Variants in TMC2 observed in about 807,000 individuals in gnomAD.
The protein encoded by TMC2 is transmembrane channel-like protein 2.
In TMC2, 102 loss-of-function variants were observed where a neutral mutation model predicts 105.9. That is an observed-to-expected ratio of 0.96 (90% CI 0.82 to 1.14). The LOEUF (loss-of-function observed/expected upper bound fraction) is 1.14. Among genes scored for constraint, TMC2 ranks in the 50% most tolerant of loss-of-function variants. The pLI, the probability that TMC2 is intolerant of heterozygous loss-of-function variation, is 0.00. For missense variants in TMC2, 1,093 were observed against 1,134.3 expected (o/e 0.96, Z 0.52); for synonymous variants, 402 against 422.8 (o/e 0.95, Z 0.60).
intron 11 of TMC2, among the ~76,000 whole-genome samples, chr20:2,602,615 T>A (rs1459496339): frequency 6.6e-6 from 1 of 152,262 alleles, no homozygotes; most frequent in African/African-American, 2.4e-5. Flanking sequence ...CAAGTGTCTA[T>A]TAATGCATGG....
rs188413064 is a variant in TMC2, at chr20:2,550,117, A to G, written c.83-8339A>G. ...AGAATCACTTGAACCCTGGAAGCGGAGGATGCAGTGAGCCGAGATCACACC... is the reference window on the plus strand; with the variant it reads ...AGAATCACTTGAACCCTGGAAGCGGGGGATGCAGTGAGCCGAGATCACACC... On this transcript the variant is annotated intron_variant, in intron 2 of 19. Coordinates refer to ENST00000358864, the MANE Select transcript of TMC2 (RefSeq NM_080751.3). 3.3e-5 allele frequency among the ~76,000 whole-genome samples: 5 copies of G among 151,888 alleles called. No homozygotes were observed. The East Asian group carries it at 9.8e-4, about 30-fold the overall frequency.
intron 10 of TMC2, among the ~76,000 whole-genome samples, chr20:2,600,847 T>C (rs1600123086): frequency 6.9e-6 from 1 of 144,198 alleles, no homozygotes; most frequent in Non-Finnish European, 1.5e-5. Flanking sequence ...TTTAGCCGGG[T>C]GTGGTGGTGG....
At chr20:2,561,618 C>T (rs977984306) in intron 3 of TMC2, among the ~76,000 whole-genome samples, 4 of 152,192 alleles carry the variant, frequency 2.6e-5, no homozygotes, top group Non-Finnish European at 5.9e-5. Context: ...TTGGGGAACA[C>T]TGAGCTGGCA....
intron 17 of TMC2, 26 bp from the exon 18 acceptor site, chr20:2,635,900 A>G: frequency 6.3e-7 from 1 of 1,598,312 alleles, no homozygotes; most frequent in Non-Finnish European, 8.6e-7. Flanking sequence ...TCACGGGACC[A>G]TAGGAGGCAT....
intron 2 of TMC2, among the ~76,000 whole-genome samples, chr20:2,545,853 G>GAAAGAA (rs767245798): frequency 1.7e-5 from 1 of 60,456 alleles, no homozygotes; most frequent in African/African-American, 9.0e-5. Context: ...AAGAAAGAAA[G>GAAAGAA]AGAAAGAAAG....
Position 2,637,523 on chromosome 20 carries a change from C to T in TMC2, c.2435C>T (p.Ala812Val). ...AAATCTGTAAAAGGCAAAGCCACAG[C>T]CAGAGATTCAGAGGACACACCTAAA... ...SHKSVKGKAT[A>V]RDSEDTPKSS... is the part of the protein sequence containing the mutation. The change falls in exon 19 of 20, where the codon GCC becomes GTC. Residue 812 changes from alanine to valine, a missense_variant. Transcript: ENST00000358864. 1 of 1,614,088 alleles carries T rather than the reference C, an allele frequency of 6.2e-7. No homozygotes were observed. The highest frequency in any genetic ancestry group is 8.5e-7 in the Non-Finnish European group (1 of 1,179,984).
intron 2 of TMC2, among the ~76,000 whole-genome samples, chr20:2,554,075 TG>T (rs1332330809): frequency 6.6e-6 from 1 of 151,852 alleles, no homozygotes; most frequent in Non-Finnish European, 1.5e-5. Flanking sequence ...TTAGTGGAGA[TG>T]GGGGTTTCAC....
rs1186927684 is a variant in TMC2, at chr20:2,561,896, C to A, written c.440C>A (p.Ser147Tyr). 6.2e-7 allele frequency: 1 copy of A among 1,614,182 alleles called. No homozygotes were observed. Among genetic ancestry groups the A allele is most frequent in the South Asian group, 1.1e-5 (1 of 91,084 alleles). Residue 147 changes from serine to tyrosine, a missense_variant, in exon 4 of 20, where the codon TCC (serine) becomes TAC (tyrosine). Coordinates refer to ENST00000358864, the MANE Select transcript of TMC2 (RefSeq NM_080751.3). The stretch of plus-strand genomic sequence containing the variant: ...GCCTCCAGTGCCTCTGGTGGGGAGT[C>A]CCTGTCCGAGGAGGAACTGGCCCAG... ...SLASSASGGE[S>Y]LSEEELAQIL...
intron 11 of TMC2, among the ~76,000 whole-genome samples, 199 bp from the exon 12 acceptor site, chr20:2,610,220 T>C (rs2086425005): frequency 6.6e-6 from 1 of 152,194 alleles, no homozygotes; most frequent in African/African-American, 2.4e-5. Flanking sequence ...AATTATGATA[T>C]GCAAGCACAG....
chr20:2,560,521 G>A (rs2086018372), intron 3 of TMC2, among the ~76,000 whole-genome samples: 1 of 152,126 alleles, frequency 6.6e-6, no homozygotes, highest in South Asian at 2.1e-4. Context: ...TCACTCAGCT[G>A]AGAGTCACTA....
At chr20:2,584,932 G>A (rs1022986637) in intron 7 of TMC2, among the ~76,000 whole-genome samples, 3 of 151,754 alleles carry the variant, frequency 2.0e-5, no homozygotes, top group Admixed American at 6.6e-5. Context: ...CATTTCCATC[G>A]CCCCCTAAAT....
intron 3 of TMC2, among the ~76,000 whole-genome samples, chr20:2,559,349 C>T (rs2086009243): frequency 6.6e-6 from 1 of 152,134 alleles, no homozygotes; most frequent in Non-Finnish European, 1.5e-5. Flanking sequence ...TCCTTTGTTC[C>T]ATTACCATTG....
In TMC2 at chr20:2,616,535, A is replaced by AAG. The variant is rs10684527; in HGVS notation, c.1940+334_1940+335dup. ...GGAAAGGGAAAAGGAAGGAGTAAAG[A>AAG]AGAGGAGGAAAAGAGGAGGAAAGGA... On this transcript the variant is annotated intron_variant, in intron 15 of 19. Coordinates refer to ENST00000358864, the MANE Select transcript of TMC2 (RefSeq NM_080751.3). This position sits in a 1 kb window ranked among gnomAD's most constrained non-coding sequence, Gnocchi z 4.8. Among the ~76,000 whole-genome samples, 28,763 of 151,328 alleles carry AAG rather than the reference A, an allele frequency of 0.19. 4,429 individuals carry two copies. The highest frequency in any genetic ancestry group is 0.41 in the African/African-American group (17,040 of 41,196).
chr20:2,597,124 G>A (rs1206445417), intron 9 of TMC2, 27 bp from the exon 10 acceptor site: 29 of 1,608,480 alleles, frequency 1.8e-5, no homozygotes, highest in East Asian at 4.5e-5. Context: ...GAGGGCAGAC[G>A]TCACAACAGT....
Position 2,597,152 on chromosome 20 carries a change from A to G in TMC2, c.1078A>G (p.Met360Val). The stretch of plus-strand genomic sequence containing the variant: ...ACAACAGTGCTGTGTGCCCTACAGG[A>G]TGGCCAGCAATACCCAAGGAAGCAC... The part of the protein sequence containing the change: ...GYSLIIVIRS[M>V]ASNTQGSTGE... Residue 360 changes from methionine (M) to valine (V), a missense_variant and splice_region_variant, in exon 10 of 20, where the codon ATG (methionine) becomes GTG (valine). Met to Val is a conservative substitution (Grantham distance 21). Transcript: ENST00000358864. 1 of 1,613,546 alleles carries G rather than the reference A, an allele frequency of 6.2e-7. No homozygotes were observed. The highest frequency in any genetic ancestry group is 8.5e-7 in the Non-Finnish European group (1 of 1,179,860).
At chr20:2,589,717 T>C (rs2086255905) in intron 7 of TMC2, among the ~76,000 whole-genome samples, 1 of 152,204 alleles carries the variant, frequency 6.6e-6, no homozygotes, top group South Asian at 2.1e-4. Flanking sequence ...TCTCCCAGGC[T>C]GGAGTGCAGT....
chr20:2,543,081 A>G (rs756783051), intron 2 of TMC2, among the ~76,000 whole-genome samples: 13 of 152,010 alleles, frequency 8.6e-5, no homozygotes, highest in Non-Finnish European at 1.6e-4. Flanking sequence ...TACTAAAAAT[A>G]CAAAAATTAG....
intron 3 of TMC2, among the ~76,000 whole-genome samples, chr20:2,560,731 G>A (rs948668313): frequency 9.9e-5 from 15 of 152,128 alleles, no homozygotes; most frequent in South Asian, 8.3e-4. Flanking sequence ...CAGCTACTCC[G>A]GAGGCTAAGG....
At chr20:2,571,049 A>G (rs1226095281) in intron 4 of TMC2, among the ~76,000 whole-genome samples, 1 of 152,234 alleles carries the variant, frequency 6.6e-6, no homozygotes, top group East Asian at 1.9e-4. Flanking sequence ...TTAAAATCCT[A>G]GAAGAAAACC....
Sources: gnomAD v4.1 joint callset for allele counts (sites outside exome capture counted in the v4.1 genomes callset) on GRCh38, gnomAD v4.1.1 for gene constraint, Gnocchi (gnomAD v3.1) non-coding constraint, MANE v1.5 for transcripts, NCBI Gene and HGNC (gene_info 2026-07-23, HGNC 2026-07-21) for gene names.